The following SLC25A12 variants were observed in gnomAD, a reference collection of about 807,000 sequenced individuals.
SLC25A12 encodes the protein electrogenic aspartate/glutamate antiporter SLC25A12, mitochondrial.
SLC25A12 carries 32 observed loss-of-function variants against 83.3 expected under a neutral mutation model. The observed-to-expected ratio is 0.38, with a 90% CI of 0.29 to 0.52. The LOEUF (loss-of-function observed/expected upper bound fraction) is 0.52, where lower values mean the gene tolerates loss of function less well. Ranked by LOEUF, SLC25A12 falls within the 20% of genes least tolerant of loss-of-function variation. The probability of loss-of-function intolerance (pLI) is 0.84; values close to 1 mark genes in which losing one functional copy is unlikely to be tolerated. For synonymous variants in SLC25A12, 267 were observed against 291.1 expected, an observed-to-expected ratio of 0.92 and a Z score of 0.84; for missense variants, 611 against 835.6, an observed-to-expected ratio of 0.73 and a Z score of 3.31.
At chr2:171,808,841 TCCCCCAA>T (rs1277056196) in intron 13 of SLC25A12, among the ~76,000 whole-genome samples, 2 of 140,688 alleles carry the variant, frequency 1.4e-5, no homozygotes, top group Non-Finnish European at 1.6e-5. Context: ...CTGCTATCTC[TCCCCCAA>T]CCCCCAACCC....
intron 13 of SLC25A12, among the ~76,000 whole-genome samples, chr2:171,801,549 T>G (rs1284908182): frequency 6.6e-6 from 1 of 152,168 alleles, no homozygotes; most frequent in Non-Finnish European, 1.5e-5. Context: ...ATACAGGTGG[T>G]CCCCAACTTA....
rs1553469034 is a variant in SLC25A12, at chr2:171,786,403, A to AAAG, written c.1836-929_1836-928insCTT. Among the ~76,000 whole-genome samples, 323 of 146,370 alleles carry AAAG rather than the reference A, an allele frequency of 2.2e-3. 2 individuals carry two copies. The highest frequency in any genetic ancestry group is 7.7e-3 in the African/African-American group (308 of 39,864). Reference sequence around the variant, plus strand: ...CGTCTAAAAAAAAAAAAAAAAAAAAAAGAGAGAGAGAGAAATAGCTTTAGT... The same window carrying AAAG: ...CGTCTAAAAAAAAAAAAAAAAAAAAAAAGAGAGAGAGAGAGAAATAGCTTTAGT... On this transcript the variant is annotated intron_variant, in intron 17 of 17. Transcript: ENST00000422440.
chr2:171,785,082 G>C lies in SLC25A12; in HGVS notation c.*192C>G. 1.7e-6 allele frequency: 1 copy of C among 592,418 alleles called. No individual in the cohort carries two copies. Among genetic ancestry groups the C allele is most frequent in the Non-Finnish European group, 3.0e-6 (1 of 329,708 alleles). The allele number at this position is 592,418 out of a possible 1,614,324, so 36.7% of individuals were successfully genotyped here. The stretch of plus-strand genomic sequence containing the variant: ...ATTTCAACACATAAGACTAAAGCTT[G>C]AAACAGCGTTGTGGTTTTTTCCCTG... On this transcript the variant is annotated 3_prime_UTR_variant, in exon 18 of 18. Coordinates refer to ENST00000422440, the MANE Select transcript of SLC25A12 (RefSeq NM_003705.5).
At chr2:171,797,209 T>C (rs534077159) in intron 13 of SLC25A12, among the ~76,000 whole-genome samples, 1 of 152,212 alleles carries the variant, frequency 6.6e-6, no homozygotes, top group Non-Finnish European at 1.5e-5. Flanking sequence ...TCTACAAATA[T>C]GCTAATGTTT....
chr2:171,840,999 A>G (rs1034953642), intron 5 of SLC25A12, among the ~76,000 whole-genome samples: 59 of 152,226 alleles, frequency 3.9e-4, no homozygotes, highest in African/African-American at 1.4e-3. Context: ...CAAAATTATA[A>G]GGAAAATAAA....
At chr2:171,891,255 C>T (rs1471282415) in intron 2 of SLC25A12, among the ~76,000 whole-genome samples, 4 of 151,734 alleles carry the variant, frequency 2.6e-5, no homozygotes, top group South Asian at 4.2e-4. Flanking sequence ...GCCAAGATCA[C>T]GCCAGTGCAT....
intron 2 of SLC25A12, among the ~76,000 whole-genome samples, chr2:171,884,428 G>C (rs1245939496): frequency 6.6e-6 from 1 of 151,194 alleles, no homozygotes; most frequent in East Asian, 2.0e-4. Context: ...TGACCTCGTG[G>C]TCTGCTCTGT....
At chr2:171,829,320 A>G (rs748242632) in intron 8 of SLC25A12, among the ~76,000 whole-genome samples, 1 of 152,186 alleles carries the variant, frequency 6.6e-6, no homozygotes, top group Non-Finnish European at 1.5e-5. Flanking sequence ...TCATGGCCCT[A>G]TATCAAAACC....
rs1206106529 is a variant in SLC25A12, at chr2:171,893,274, A to G, written c.13-16T>C. ...TTGTCTGCACCTGTAAGCAAAAAAG[A>G]AAAAAAAGCCAGTTAATGCTTCACT... is the stretch of plus-strand genomic sequence containing the variant. On this transcript the variant is annotated splice_polypyrimidine_tract_variant and intron_variant, in intron 1 of 17. Coordinates refer to ENST00000422440, the MANE Select transcript of SLC25A12 (RefSeq NM_003705.5). 6.2e-7 allele frequency: 1 copy of G among 1,611,324 alleles called. No individual in the cohort carries two copies. The highest frequency in any genetic ancestry group is 2.2e-5 in the East Asian group (1 of 44,856).
intron 12 of SLC25A12, 105 bp downstream of exon 12, chr2:171,810,119 T>C: frequency 1.1e-6 from 1 of 952,356 alleles, no homozygotes; most frequent in African/African-American, 1.6e-5. Flanking sequence ...CCACCCAAAA[T>C]GCTGAGATTA....
Position 171,865,972 on chromosome 2 carries a change from A to G in SLC25A12, c.209+2709T>C, listed in dbSNP as rs531154065. ...GTGAACAAAGGTCTCTGGTTTTCCT[A>G]GGCAGAGGACCCTGCGGCCTTCCGC... On this transcript the variant is annotated intron_variant, in intron 3 of 17. Coordinates refer to ENST00000422440, the MANE Select transcript of SLC25A12 (RefSeq NM_003705.5). 3.3e-4 allele frequency among the ~76,000 whole-genome samples: 49 copies of G among 146,272 alleles called. No homozygotes were observed. In the South Asian group the frequency reaches 5.7e-3, roughly 17 times the overall value.
intron 9 of SLC25A12, among the ~76,000 whole-genome samples, chr2:171,822,491 C>A (rs1684214005): frequency 6.6e-6 from 1 of 152,176 alleles, no homozygotes; most frequent in African/African-American, 2.4e-5. Flanking sequence ...TCAAGCAATC[C>A]TCCCACCTCT....
At chr2:171,786,151 G>A (rs186629841) in intron 17 of SLC25A12, among the ~76,000 whole-genome samples, 7 of 151,820 alleles carry the variant, frequency 4.6e-5, no homozygotes, top group South Asian at 2.1e-4. Flanking sequence ...CGAGGCAGGC[G>A]GATCATGAGG....
At chr2:171,864,609 G>GCA (rs1685244689) in intron 3 of SLC25A12, among the ~76,000 whole-genome samples, 1 of 152,082 alleles carries the variant, frequency 6.6e-6, no homozygotes, top group African/African-American at 2.4e-5. Flanking sequence ...ACATGCGCAC[G>GCA]CACACACACG....
intron 13 of SLC25A12, among the ~76,000 whole-genome samples, chr2:171,801,173 T>C (rs1172039806): frequency 1.8e-4 from 28 of 152,206 alleles, no homozygotes; most frequent in Admixed American, 1.8e-3. Flanking sequence ...AAAGTCACTA[T>C]AAAGTTGAAT....
chr2:171,863,417 T>C (rs1207734381), intron 3 of SLC25A12, among the ~76,000 whole-genome samples: 1 of 151,756 alleles, frequency 6.6e-6, no homozygotes, highest in Non-Finnish European at 1.5e-5. Flanking sequence ...TCCTAGCTAC[T>C]TGGGAGGCTG....
intron 13 of SLC25A12, among the ~76,000 whole-genome samples, chr2:171,809,118 G>C (rs1302056962): frequency 6.6e-6 from 1 of 152,104 alleles, no homozygotes; most frequent in Non-Finnish European, 1.5e-5. Flanking sequence ...TGGGCATTTG[G>C]GTTGGTTCCA....
At chr2:171,851,747 C>T (rs1160507999) in intron 4 of SLC25A12, among the ~76,000 whole-genome samples, 1 of 152,072 alleles carries the variant, frequency 6.6e-6, no homozygotes, top group Non-Finnish European at 1.5e-5. Flanking sequence ...GTCACCCGTG[C>T]TGGTCTTGAA....
intron 2 of SLC25A12, among the ~76,000 whole-genome samples, chr2:171,869,282 A>C (rs1020135489): frequency 9.2e-5 from 14 of 152,254 alleles, no homozygotes; most frequent in Non-Finnish European, 2.1e-4. Flanking sequence ...TGGTAAATAT[A>C]CTTTTTTAAA....
Sources: gnomAD v4.1 joint callset for allele counts (sites outside exome capture counted in the v4.1 genomes callset) on GRCh38, gnomAD v4.1.1 for gene constraint, MANE v1.5 for transcripts, NCBI Gene and HGNC (gene_info 2026-07-23, HGNC 2026-07-21) for gene names.